The following ZMIZ1 variants were observed in gnomAD, a reference collection of about 807,000 sequenced individuals.
ZMIZ1 encodes the protein zinc finger MIZ domain-containing protein 1.
In ZMIZ1, 17 loss-of-function variants were observed where a neutral mutation model predicts 113.9. That is an observed-to-expected ratio of 0.15 (90% confidence interval 0.10 to 0.22). The LOEUF (loss-of-function observed/expected upper bound fraction) is 0.22, where lower values mean the gene tolerates loss of function less well. Ranked by LOEUF, ZMIZ1 falls within the 10% of genes least tolerant of loss-of-function variation. The pLI, the probability that ZMIZ1 is intolerant of heterozygous loss-of-function variation, is 1.00. For synonymous variants in ZMIZ1, 607 were observed against 603.1 expected (o/e 1.01, Z -0.09); for missense variants, 1,059 against 1,477.8 (o/e 0.72, Z 4.65).
At chr10:79,093,516 G>C (rs1231902408) in intron 1 of ZMIZ1, among the ~76,000 whole-genome samples, 1 of 151,836 alleles carries the variant, frequency 6.6e-6, no homozygotes, top group Admixed American at 6.6e-5. Flanking sequence ...TAGTAGAGAT[G>C]GGGTTTCACC....
At position 79,315,684 on chromosome 10, in the gene ZMIZ1, G is replaced by T. The variant is rs1564616356; in HGVS notation, c.*2935G>T. 1 of 152,838 alleles carries T rather than the reference G, an allele frequency of 6.5e-6. No homozygotes were observed. The highest frequency in any genetic ancestry group is 2.4e-5 in the African/African-American group (1 of 41,470). The allele number at this position is 152,838 out of a possible 1,614,324, so 9.5% of individuals were successfully genotyped here. ...AATGGAAGCCCTGATCCCCCAGAGA[G>T]CTACAGGTCTGCTCCCGACGGGCCT... On this transcript the variant is annotated 3_prime_UTR_variant, in exon 25 of 25. Coordinates refer to ENST00000334512, the MANE Select transcript of ZMIZ1 (RefSeq NM_020338.4).
chr10:79,161,931 A>C (rs1014161251), intron 3 of ZMIZ1, 122 bp from the exon 4 acceptor site: 2 of 398,478 alleles, frequency 5.0e-6, no homozygotes, highest in Non-Finnish European at 8.8e-6. Flanking sequence ...GCACCCCATC[A>C]TGTCCCTTCA....
intron 7 of ZMIZ1, among the ~76,000 whole-genome samples, chr10:79,274,843 G>A (rs1852168917): frequency 6.6e-6 from 1 of 152,226 alleles, no homozygotes; most frequent in Non-Finnish European, 1.5e-5. Flanking sequence ...GAGGACAAGG[G>A]CTGTCCTTGG....
intron 7 of ZMIZ1, among the ~76,000 whole-genome samples, chr10:79,218,429 C>T (rs997796865): frequency 1.3e-5 from 2 of 152,064 alleles, no homozygotes; most frequent in South Asian, 2.1e-4. Context: ...GAGTCAAGAT[C>T]GAGCCACTGC....
Position 79,094,968 on chromosome 10 carries a change from A to G in ZMIZ1, c.-336-23947A>G, listed in dbSNP as rs199608544. On this transcript the variant is annotated intron_variant, in intron 1 of 24. Coordinates refer to ENST00000334512, the MANE Select transcript of ZMIZ1 (RefSeq NM_020338.4). ...TGCCCCTCCTGGAAAAAAAAAAAAA[A>G]AGAGAGAGAGAGAAAGCAAGCAAGC... 1.5e-3 allele frequency among the ~76,000 whole-genome samples: 228 copies of G among 150,384 alleles called. 1 individual carries two copies. Among genetic ancestry groups the G allele is most frequent in the African/African-American group, 2.9e-3 (118 of 41,246 alleles).
At chr10:79,256,778 C>T (rs905888848) in intron 7 of ZMIZ1, among the ~76,000 whole-genome samples, 1 of 152,258 alleles carries the variant, frequency 6.6e-6, no homozygotes, top group African/African-American at 2.4e-5. Context: ...CTGACACAGT[C>T]AGATCCCCTC....
rs73304190 is a variant in ZMIZ1 at position 79,296,379 on chromosome 10, G to A, written c.1231-92G>A. On this transcript the variant is annotated intron_variant, in intron 12 of 24. Transcript: ENST00000334512. This position sits in a 1 kb window ranked among gnomAD's most constrained non-coding sequence, Gnocchi z 4.1. The stretch of plus-strand genomic sequence containing the variant: ...GGGAAACAGCAGGAGCAAATGAGGA[G>A]AGGCGGGCCCCATCCCGTTGTTCAG... 14,409 of 1,372,734 alleles carry A rather than the reference G, an allele frequency of 0.01. 1,154 individuals carry two copies. The African/African-American group carries it at 0.18, about 17-fold the overall frequency. The allele number at this position is 1,372,734 out of a possible 1,614,324, so 85.0% of individuals were successfully genotyped here.
intron 1 of ZMIZ1, among the ~76,000 whole-genome samples, chr10:79,110,565 A>C (rs1441422209): frequency 6.6e-6 from 1 of 152,136 alleles, no homozygotes; most frequent in Non-Finnish European, 1.5e-5. Flanking sequence ...GTTGGTACTG[A>C]TGTTGGCCGA....
rs1195119179 is a variant in ZMIZ1 at position 79,068,974 on chromosome 10, A to AC, written c.-628dup. ...TCCGGGCGAGTTGATTCACTTACTC[A>AC]CCCCCTAACGCCGAGTTCCTTTTCA... On this transcript the variant is annotated 5_prime_UTR_variant, in exon 1 of 25. Coordinates refer to ENST00000334512, the MANE Select transcript of ZMIZ1 (RefSeq NM_020338.4). The AC allele has an allele frequency of 2.0e-5, 3 of 150,694 alleles. No homozygotes were observed. The highest frequency in any genetic ancestry group is 4.4e-5 in the Non-Finnish European group (3 of 67,476). 9.3% of individuals were successfully genotyped at this position (150,694 alleles called of 1,614,324 possible). A position where few individuals can be genotyped will look rare whatever the true frequency, so the allele number is the denominator to read the frequency against.
chr10:79,227,101 A>T (rs1380276327), intron 7 of ZMIZ1, among the ~76,000 whole-genome samples: 1 of 152,238 alleles, frequency 6.6e-6, no homozygotes, highest in Non-Finnish European at 1.5e-5. Context: ...CAAAATTGTG[A>T]TTCAAACAAG....
chr10:79,145,805 C>T (rs183508433), intron 3 of ZMIZ1, among the ~76,000 whole-genome samples: 1 of 152,200 alleles, frequency 6.6e-6, no homozygotes, highest in African/African-American at 2.4e-5. Flanking sequence ...CTCCCAGGCT[C>T]AACTGACCCT....
At position 79,303,011 on chromosome 10, in the gene ZMIZ1, A is replaced by G. The variant is rs1043422354; in HGVS notation, c.2125+799A>G. Among the ~76,000 whole-genome samples the G allele has an allele frequency of 7.3e-5, 11 of 151,700 alleles. No individual in the cohort carries two copies. The East Asian group carries it at 2.2e-3, about 30-fold the overall frequency. On this transcript the variant is annotated intron_variant, in intron 18 of 24. Coordinates refer to ENST00000334512, the MANE Select transcript of ZMIZ1 (RefSeq NM_020338.4). ...CGAGTAGCTGGGACTACAGGCGCCC[A>G]CCACCGCACCTGGCTAATTTTTTGT...
intron 1 of ZMIZ1, among the ~76,000 whole-genome samples, chr10:79,078,570 C>CT (rs34178865): frequency 0.015 from 1,287 of 87,790 alleles, 40 homozygotes; most frequent in African/African-American, 0.025. Flanking sequence ...CCACCCCCGA[C>CT]TTTTTTTTTT....
chr10:79,220,739 C>G (rs917221990), intron 7 of ZMIZ1, among the ~76,000 whole-genome samples: 2 of 152,184 alleles, frequency 1.3e-5, no homozygotes, highest in Admixed American at 1.3e-4. Flanking sequence ...CTCAGACTTT[C>G]TCCCACTGTA....
chr10:79,156,396 A>T (rs1589350408), intron 3 of ZMIZ1, among the ~76,000 whole-genome samples: 1 of 152,122 alleles, frequency 6.6e-6, no homozygotes, highest in East Asian at 1.9e-4. Flanking sequence ...AGGGCCCAGC[A>T]GCAGGTACCA....
intron 1 of ZMIZ1, among the ~76,000 whole-genome samples, chr10:79,073,637 C>T (rs1177340775): frequency 2.0e-5 from 3 of 152,068 alleles, no homozygotes. Context: ...CTAGGCAGGC[C>T]CCTAGGTAGG....
chr10:79,182,702 G>C (rs879209166), intron 4 of ZMIZ1, among the ~76,000 whole-genome samples: 2 of 152,218 alleles, frequency 1.3e-5, no homozygotes, highest in Admixed American at 1.3e-4. Flanking sequence ...AAACACAGCG[G>C]AGTGGTTCCG....
At position 79,313,204 on chromosome 10, in the gene ZMIZ1, C is replaced by G. The variant is rs1413661388; in HGVS notation, c.*455C>G. 1 of 160,532 alleles carries G rather than the reference C, an allele frequency of 6.2e-6. No homozygotes were observed. The highest frequency in any genetic ancestry group is 2.4e-5 in the African/African-American group (1 of 41,564). The allele number at this position is 160,532 out of a possible 1,614,324, so 9.9% of individuals were successfully genotyped here. A position where few individuals can be genotyped will look rare whatever the true frequency, so the allele number is the denominator to read the frequency against. On this transcript the variant is annotated 3_prime_UTR_variant, in exon 25 of 25. Coordinates refer to ENST00000334512, the MANE Select transcript of ZMIZ1 (RefSeq NM_020338.4). ...CCAGTGACTGTGGAGCCTGAGAAGG[C>G]CCCCGGGCCCCAGCATGGGCCCCGA...
intron 4 of ZMIZ1, among the ~76,000 whole-genome samples, chr10:79,165,687 C>T (rs902219973): frequency 6.6e-6 from 1 of 152,194 alleles, no homozygotes; most frequent in Non-Finnish European, 1.5e-5. Flanking sequence ...AGCATTCAGG[C>T]CGGAGAGTTC....
Sources: allele counts gnomAD v4.1 joint callset (sites outside exome capture counted in the v4.1 genomes callset), GRCh38; gene constraint gnomAD v4.1.1; non-coding constraint Gnocchi (gnomAD v3.1); transcripts MANE v1.5; gene names NCBI Gene and HGNC (gene_info 2026-07-23, HGNC 2026-07-21).